The following RALYL variants were observed in gnomAD, a reference collection of about 807,000 sequenced individuals.
RALYL encodes RALY RNA binding protein like.
Under a neutral mutation model 35.1 loss-of-function variants are expected in RALYL, and 29 were observed. That is an observed-to-expected ratio of 0.83 (90% CI 0.61 to 1.13). The LOEUF is 1.13. RALYL is among the 50% of genes most tolerant of loss of function. The probability of loss-of-function intolerance (pLI) is 0.00; values close to 1 mark genes in which losing one functional copy is unlikely to be tolerated. For synonymous variants in RALYL, 120 were observed against 127.6 expected (o/e 0.94, Z 0.40); for missense variants, 359 against 360.4 (o/e 1.00, Z 0.03).
At chr8:84,345,634 A>G (rs1182476688) in intron 1 of RALYL, among the ~76,000 whole-genome samples, 1 of 152,008 alleles carries the variant, frequency 6.6e-6, no homozygotes. Context: ...ACCCTCCAGC[A>G]TCTCCCTCTC....
At chr8:84,575,820 C>T (rs1809258177) in intron 2 of RALYL, among the ~76,000 whole-genome samples, 1 of 151,876 alleles carries the variant, frequency 6.6e-6, no homozygotes, top group Admixed American at 6.6e-5. Context: ...TTTGATTACC[C>T]TATAGTTTTA....
chr8:84,917,321 A>T (rs372290490), intron 8 of RALYL, among the ~76,000 whole-genome samples: 1 of 152,022 alleles, frequency 6.6e-6, no homozygotes, highest in East Asian at 1.9e-4. Flanking sequence ...GGAAATAAGG[A>T]CAGAGAAGGT....
chr8:84,683,559 C>T (rs1836091469), intron 2 of RALYL, among the ~76,000 whole-genome samples: 1 of 152,082 alleles, frequency 6.6e-6, no homozygotes, highest in Non-Finnish European at 1.5e-5. Context: ...CATACTTGTT[C>T]AATGGATGTT....
intron 2 of RALYL, among the ~76,000 whole-genome samples, chr8:84,533,234 A>G (rs1375049111): frequency 6.6e-6 from 1 of 152,112 alleles, no homozygotes; most frequent in African/African-American, 2.4e-5. Flanking sequence ...GTTTGTTAAT[A>G]TTGGAAATAT....
chr8:84,897,903 A>G (rs1845018048), intron 8 of RALYL, among the ~76,000 whole-genome samples: 1 of 152,214 alleles, frequency 6.6e-6, no homozygotes. Context: ...ACAGTATGAT[A>G]GGTAAAAATG....
chr8:84,867,749 CTAATT>C (rs1388476410), intron 6 of RALYL, among the ~76,000 whole-genome samples: 1 of 152,140 alleles, frequency 6.6e-6, no homozygotes, highest in Non-Finnish European at 1.5e-5. Context: ...ATCATCAAAA[CTAATT>C]TATCTTTTTT....
At chr8:84,638,638 G>T (rs1825570254) in intron 2 of RALYL, among the ~76,000 whole-genome samples, 1 of 151,398 alleles carries the variant, frequency 6.6e-6, no homozygotes, top group Non-Finnish European at 1.5e-5. Flanking sequence ...GCAGAAATTT[G>T]CTGGAGCATT....
At chr8:84,565,328 A>G (rs1038252231) in intron 2 of RALYL, among the ~76,000 whole-genome samples, 1 of 151,638 alleles carries the variant, frequency 6.6e-6, no homozygotes, top group African/African-American at 2.4e-5. Flanking sequence ...TTTATTAAAT[A>G]TCTTGGCAAA....
intron 1 of RALYL, among the ~76,000 whole-genome samples, chr8:84,459,989 T>C (rs2050569027): frequency 6.6e-6 from 1 of 151,750 alleles, no homozygotes; most frequent in Admixed American, 6.6e-5. Flanking sequence ...TTTTACTTTA[T>C]ATAAAAAACA....
intron 1 of RALYL, among the ~76,000 whole-genome samples, chr8:84,377,451 G>GTTTTTTTTTTT (rs369746268): frequency 2.4e-5 from 2 of 83,720 alleles, no homozygotes; most frequent in Non-Finnish European, 4.7e-5. Flanking sequence ...AAGGTTAACT[G>GTTTTTTTTTTT]TTTTTTTTTT....
chr8:84,630,249 A>G (rs926815940), intron 2 of RALYL, among the ~76,000 whole-genome samples: 3 of 152,018 alleles, frequency 2.0e-5, no homozygotes, highest in Admixed American at 2.0e-4. Context: ...AGTAACAGGA[A>G]AGCCACCCTA....
chr8:84,525,376 A>G (rs1164836251), intron 1 of RALYL, among the ~76,000 whole-genome samples: 2 of 152,112 alleles, frequency 1.3e-5, no homozygotes, highest in African/African-American at 4.8e-5. Flanking sequence ...GTGTCAAAAT[A>G]TAGATATTTT....
intron 1 of RALYL, among the ~76,000 whole-genome samples, chr8:84,325,044 G>A (rs915728692): frequency 6.6e-6 from 1 of 151,908 alleles, no homozygotes. Flanking sequence ...TCTCATTGTG[G>A]CATAAAGATT....
rs761849738 is a variant in RALYL at position 84,887,735 on chromosome 8, G to A, written c.817G>A (p.Gly273Arg). The A allele has an allele frequency of 6.2e-7, 1 of 1,613,832 alleles. No homozygotes were observed. Among genetic ancestry groups the A allele is most frequent in the Non-Finnish European group, 8.5e-7 (1 of 1,179,776 alleles). ...PDADGEEMTD[G>R]IEEDFDEDGG... ...TGCCGATGGAGAAGAGATGACAGAT[G>A]GGATAGAGGAGGACTTCGATGAAGA... Residue 273 changes from glycine (G) to arginine (R), a missense_variant, in exon 8 of 9, where the codon GGG (glycine) becomes AGG (arginine). Coordinates refer to ENST00000521268, the MANE Select transcript of RALYL (RefSeq NM_173848.7).
At chr8:84,801,440 C>T (rs1823236634) in intron 3 of RALYL, among the ~76,000 whole-genome samples, 1 of 152,124 alleles carries the variant, frequency 6.6e-6, no homozygotes, top group South Asian at 2.1e-4. Context: ...TCTTACCAGT[C>T]TTAATGAGAC....
At chr8:84,897,521 CT>C (rs1179501940) in intron 8 of RALYL, among the ~76,000 whole-genome samples, 1 of 151,908 alleles carries the variant, frequency 6.6e-6, no homozygotes, top group Non-Finnish European at 1.5e-5. Context: ...ATTCTTATGG[CT>C]TTCTTTTTTT....
intron 2 of RALYL, among the ~76,000 whole-genome samples, chr8:84,765,852 C>T (rs1317722365): frequency 6.6e-6 from 1 of 151,006 alleles, no homozygotes; most frequent in Non-Finnish European, 1.5e-5. Flanking sequence ...AAAAAAAAAC[C>T]CTAAGAATAA....
intron 1 of RALYL, among the ~76,000 whole-genome samples, chr8:84,222,034 C>T (rs987735757): frequency 6.6e-6 from 1 of 151,962 alleles, no homozygotes; most frequent in Admixed American, 6.6e-5. Flanking sequence ...GATACTGTGC[C>T]TATGATATTG....
chr8:84,864,652 T>A (rs1207592065), intron 6 of RALYL: 1 of 345,956 alleles, frequency 2.9e-6, no homozygotes, highest in East Asian at 5.7e-5. Context: ...ATCAATAAGA[T>A]AGCTCCAAGG....
Sources: gnomAD v4.1 joint callset for allele counts (sites outside exome capture counted in the v4.1 genomes callset) on GRCh38, gnomAD v4.1.1 for gene constraint, MANE v1.5 for transcripts, NCBI Gene and HGNC (gene_info 2026-07-23, HGNC 2026-07-21) for gene names.